The following MKLN1 variants were observed in gnomAD, a reference collection of about 807,000 sequenced individuals.
The protein encoded by MKLN1 is muskelin.
MKLN1 carries 18 observed loss-of-function variants against 99.0 expected under a neutral mutation model. The ratio of observed to expected loss-of-function variants is 0.18; its 90% CI spans 0.13 to 0.27. MKLN1 has a LOEUF of 0.27. Among genes scored for constraint, MKLN1 ranks in the 10% least tolerant of loss-of-function variants. MKLN1 has a pLI of 1.00. For missense variants in MKLN1, 621 were observed against 875.9 expected (o/e 0.71, Z 3.67); for synonymous variants, 288 against 293.2 (o/e 0.98, Z 0.18).
chr7:131,405,528 T>C (rs754145090), intron 6 of MKLN1, among the ~76,000 whole-genome samples: 1 of 152,166 alleles, frequency 6.6e-6, no homozygotes, highest in Non-Finnish European at 1.5e-5. Context: ...AACAACTTTT[T>C]AAGCCAGATG....
intron 9 of MKLN1, among the ~76,000 whole-genome samples, chr7:131,434,644 T>C (rs541017171): frequency 1.3e-5 from 2 of 152,206 alleles, no homozygotes; most frequent in Admixed American, 1.3e-4. Context: ...GCCTCGACCT[T>C]CTGGGCTCAA....
At position 131,443,458 on chromosome 7, in the gene MKLN1, A is replaced by C. The variant is rs368207333; in HGVS notation, c.1174-23A>C. ...TGACAGGAACAAACTAAAACTATTC[A>C]ATCTGTTGCCTTGTTCTGATAGATG... On this transcript the variant is annotated intron_variant, in intron 10 of 17. Transcript: ENST00000352689. 2.6e-6 allele frequency: 4 copies of C among 1,525,004 alleles called. No individual in the cohort carries two copies. The East Asian group carries it at 6.8e-5, about 26-fold the overall frequency. The allele number at this position is 1,525,004 out of a possible 1,614,324, so 94.5% of individuals were successfully genotyped here. A position where few individuals can be genotyped will look rare whatever the true frequency, so the allele number is the denominator to read the frequency against.
At chr7:131,271,692 G>A (rs1413324908) in intron 3 of MKLN1, among the ~76,000 whole-genome samples, 3 of 151,470 alleles carry the variant, frequency 2.0e-5, no homozygotes, top group East Asian at 1.9e-4. Context: ...GGAGGCTGAC[G>A]CAGGTCAGGA....
At chr7:131,321,639 C>A (rs1798778282) in intron 3 of MKLN1, among the ~76,000 whole-genome samples, 2 of 152,104 alleles carry the variant, frequency 1.3e-5, no homozygotes, top group Non-Finnish European at 2.9e-5. Flanking sequence ...TTAGCCAGCA[C>A]AAATAGCTGT....
intron 2 of MKLN1, among the ~76,000 whole-genome samples, chr7:131,386,521 A>G (rs996977370): frequency 1.3e-5 from 2 of 152,156 alleles, no homozygotes; most frequent in African/African-American, 4.8e-5. Flanking sequence ...AAGGAGTGGT[A>G]ATTTTCTTCT....
intron 1 of MKLN1, among the ~76,000 whole-genome samples, chr7:131,122,994 G>T (rs1490899549): frequency 7.7e-6 from 1 of 130,182 alleles, no homozygotes; most frequent in Non-Finnish European, 1.6e-5. Flanking sequence ...CTGCAGTCCG[G>T]CCTGGGCGAA....
intron 1 of MKLN1, among the ~76,000 whole-genome samples, chr7:131,372,851 C>T (rs757595042): frequency 6.0e-5 from 9 of 151,236 alleles, no homozygotes; most frequent in Non-Finnish European, 1.2e-4. Flanking sequence ...TAGCTGTATA[C>T]GTTTAGGCAA....
intron 12 of MKLN1, among the ~76,000 whole-genome samples, chr7:131,461,590 T>A (rs1243212509): frequency 1.3e-5 from 2 of 152,176 alleles, no homozygotes; most frequent in African/African-American, 4.8e-5. Context: ...AAATAAATAC[T>A]GGATTATTTG....
At chr7:131,437,289 T>C (rs1181263871) in intron 9 of MKLN1, among the ~76,000 whole-genome samples, 2 of 152,034 alleles carry the variant, frequency 1.3e-5, no homozygotes, top group Non-Finnish European at 2.9e-5. Context: ...GTGATTAAAC[T>C]AGAGATTTTA....
chr7:131,444,663 C>T (rs1795941019), intron 11 of MKLN1, among the ~76,000 whole-genome samples: 1 of 151,332 alleles, frequency 6.6e-6, no homozygotes, highest in Non-Finnish European at 1.5e-5. Context: ...GATCCTCTCA[C>T]CTTAGCCCCC....
chr7:131,395,521 G>A (rs569345361), intron 4 of MKLN1, among the ~76,000 whole-genome samples: 2 of 143,658 alleles, frequency 1.4e-5, no homozygotes, highest in Non-Finnish European at 3.0e-5. Flanking sequence ...ATGGTGGTGA[G>A]GCATACAGTG....
intron 1 of MKLN1, among the ~76,000 whole-genome samples, chr7:131,332,718 A>G (rs189345300): frequency 6.6e-6 from 1 of 151,938 alleles, no homozygotes; most frequent in Admixed American, 6.6e-5. Flanking sequence ...CTTAACATAT[A>G]GTAAATACTT....
At chr7:131,374,443 C>T (rs901660963) in intron 1 of MKLN1, among the ~76,000 whole-genome samples, 60 of 152,090 alleles carry the variant, frequency 3.9e-4, no homozygotes, top group African/African-American at 1.2e-3. Context: ...GATTCTAATC[C>T]AGTATCACAG....
chr7:131,347,900 A>C (rs1389108190), intron 1 of MKLN1, among the ~76,000 whole-genome samples: 2 of 152,220 alleles, frequency 1.3e-5, no homozygotes, highest in Admixed American at 6.5e-5. Flanking sequence ...TTATAAAGAC[A>C]GTAGTGCTTT....
chr7:131,238,954 A>G (rs1488483399), intron 3 of MKLN1, among the ~76,000 whole-genome samples: 1 of 152,182 alleles, frequency 6.6e-6, no homozygotes, highest in African/African-American at 2.4e-5. Flanking sequence ...ATTTAGTTGC[A>G]TGGCCACCAT....
At chr7:131,281,104 A>G (rs1798043607) in intron 3 of MKLN1, among the ~76,000 whole-genome samples, 1 of 152,102 alleles carries the variant, frequency 6.6e-6, no homozygotes, top group South Asian at 2.1e-4. Flanking sequence ...GACATCCAAG[A>G]AACTATTGCC....
At chr7:131,482,051 A>G (rs1367380756) in intron 17 of MKLN1, among the ~76,000 whole-genome samples, 1 of 152,222 alleles carries the variant, frequency 6.6e-6, no homozygotes, top group African/African-American at 2.4e-5. Context: ...GGCACTTTTA[A>G]GGTTGAACTC....
At chr7:131,362,720 G>A (rs748756074) in intron 1 of MKLN1, among the ~76,000 whole-genome samples, 3 of 151,428 alleles carry the variant, frequency 2.0e-5, no homozygotes, top group South Asian at 2.1e-4. Context: ...CTATTTTAGC[G>A]GTATCTTTTT....
At chr7:131,464,141 A>T (rs1796593873) in intron 13 of MKLN1, 153 bp from the exon 14 acceptor site, 8 of 483,938 alleles carry the variant, frequency 1.7e-5, no homozygotes, top group Non-Finnish European at 2.6e-5. Context: ...ACAAATTCCG[A>T]TTGTTTTATG....
Sources: gnomAD v4.1 joint callset for allele counts (sites outside exome capture counted in the v4.1 genomes callset) on GRCh38, gnomAD v4.1.1 for gene constraint, MANE v1.5 for transcripts, NCBI Gene and HGNC (gene_info 2026-07-23, HGNC 2026-07-21) for gene names.